The following NALCN variants were observed in gnomAD, a reference collection of about 807,000 sequenced individuals.
NALCN encodes sodium leak channel NALCN.
A neutral mutation model predicts 225.3 loss-of-function variants in NALCN; 111 were observed. The observed-to-expected ratio is 0.49, with a 90% confidence interval of 0.42 to 0.58. The LOEUF is 0.58. NALCN is among the 20% of genes least tolerant of loss of function. NALCN has a pLI of 0.00. For synonymous variants in NALCN, 764 were observed against 769.0 expected (o/e 0.99, Z 0.11); for missense variants, 1,378 against 2,202.4 (o/e 0.63, Z 7.49).
intron 2 of NALCN, among the ~76,000 whole-genome samples, chr13:101,397,866 CT>C (rs2047361410): frequency 6.6e-6 from 1 of 152,040 alleles, no homozygotes; most frequent in Non-Finnish European, 1.5e-5. Context: ...GGAAATAAGC[CT>C]TTCAGAGGAG....
At chr13:101,181,257 C>A (rs1203223617) in intron 14 of NALCN, 1 of 518,806 alleles carries the variant, frequency 1.9e-6, no homozygotes, top group Admixed American at 1.9e-5. Context: ...GGCTTCCAGG[C>A]AGAGGGTTTG....
chr13:101,401,950 G>T (rs991957740), intron 1 of NALCN, among the ~76,000 whole-genome samples: 3 of 152,162 alleles, frequency 2.0e-5, no homozygotes, highest in Non-Finnish European at 4.4e-5. Flanking sequence ...ATTTGAGGTG[G>T]TTGATTGTAA....
At chr13:101,282,280 T>TA (rs911171599) in intron 10 of NALCN, among the ~76,000 whole-genome samples, 1 of 151,468 alleles carries the variant, frequency 6.6e-6, no homozygotes, top group African/African-American at 2.4e-5. Context: ...GATGAATGGA[T>TA]AAAAAAAATG....
At chr13:101,294,903 T>C (rs897618329) in intron 7 of NALCN, among the ~76,000 whole-genome samples, 41 of 152,118 alleles carry the variant, frequency 2.7e-4, no homozygotes, top group Non-Finnish European at 2.9e-4. Context: ...CAGTAACAGT[T>C]GCAGCAAAAG....
chr13:101,245,919 G>A (rs145133075), intron 11 of NALCN, among the ~76,000 whole-genome samples: 2,026 of 152,132 alleles, frequency 0.013, 32 homozygotes, highest in African/African-American at 0.038. Flanking sequence ...CTCTGATTGC[G>A]GGCAACCACT....
chr13:101,139,359 G>T, intron 17 of NALCN, among the ~76,000 whole-genome samples: 1 of 152,128 alleles, frequency 6.6e-6, no homozygotes, highest in African/African-American at 2.4e-5. Flanking sequence ...CCCTGAACTT[G>T]CAGTCTTCAG....
chr13:101,057,140 C>T (rs1336431100), intron 43 of NALCN: 1 of 152,124 alleles, frequency 6.6e-6, no homozygotes. Flanking sequence ...GAAGTTGGGG[C>T]ACAGTTAAAG....
intron 12 of NALCN, among the ~76,000 whole-genome samples, chr13:101,229,959 A>C (rs914165217): frequency 6.6e-6 from 1 of 152,174 alleles, no homozygotes; most frequent in African/African-American, 2.4e-5. Flanking sequence ...TTGAGTGCTG[A>C]TATGAGGCCA....
intron 7 of NALCN, among the ~76,000 whole-genome samples, chr13:101,296,940 T>C (rs528873241): frequency 2.0e-5 from 3 of 152,370 alleles, no homozygotes; most frequent in African/African-American, 7.2e-5. Flanking sequence ...TGAAACTTTC[T>C]ACACACTGCC....
In NALCN at chr13:101,089,877, A is replaced by G. The variant is rs750999085; in HGVS notation, c.3359T>C (p.Val1120Ala). 4.5e-5 allele frequency: 72 copies of G among 1,613,904 alleles called. 1 individual carries two copies. The highest frequency in any genetic ancestry group is 1.0e-4 in the Admixed American group (6 of 59,990). Reference protein sequence around the residue: ...EVLSLKGWVEVRDVIIHRVGP... With the variant: ...EVLSLKGWVEARDVIIHRVGP... The stretch of plus-strand genomic sequence containing the variant: ...CACACGATGAATAATAACATCTCTC[A>G]CTTCCACCCAGCCTTTCAAGGAGAG... The change falls in exon 29 of 44, where the codon GTG (valine) becomes GCG (alanine). Residue 1120 changes from valine (V) to alanine (A), a missense_variant. By Grantham distance (64) the Val-to-Ala change is moderately conservative. This residue lies in a region of NALCN where 292 missense variants were observed against 409.5 expected (regional missense o/e 0.71). Transcript: ENST00000251127. This position sits in a 1 kb window ranked among gnomAD's most constrained non-coding sequence, Gnocchi z 4.7.
At chr13:101,393,108 T>C (rs369468689) in intron 3 of NALCN, among the ~76,000 whole-genome samples, 12 of 152,178 alleles carry the variant, frequency 7.9e-5, no homozygotes, top group Admixed American at 5.2e-4. Flanking sequence ...GGAAAAACAA[T>C]TGCAACTTAT....
chr13:101,305,340 C>T (rs950054220), intron 7 of NALCN, among the ~76,000 whole-genome samples: 3 of 152,158 alleles, frequency 2.0e-5, no homozygotes, highest in African/African-American at 4.8e-5. Flanking sequence ...AGTTGTGTTT[C>T]GTAATTCTCT....
intron 3 of NALCN, among the ~76,000 whole-genome samples, chr13:101,389,072 G>T (rs765985755): frequency 3.3e-5 from 5 of 152,186 alleles, no homozygotes; most frequent in Non-Finnish European, 7.3e-5. Flanking sequence ...TCCTGAGACA[G>T]GTTCCAGTTT....
At chr13:101,327,943 G>A (rs528000) in intron 7 of NALCN, among the ~76,000 whole-genome samples, 62,758 of 151,944 alleles carry the variant, frequency 0.41, 13,315 homozygotes, top group Non-Finnish European at 0.47. Context: ...GTTTCTGTTG[G>A]AACTACTGAA....
chr13:101,375,608 G>T (rs367692692), intron 6 of NALCN, among the ~76,000 whole-genome samples: 4 of 152,108 alleles, frequency 2.6e-5, no homozygotes, highest in African/African-American at 9.7e-5. Context: ...GAAGATGAAT[G>T]GCTGCTTGTA....
intron 11 of NALCN, among the ~76,000 whole-genome samples, chr13:101,252,285 T>C (rs2042084501): frequency 6.6e-6 from 1 of 152,186 alleles, no homozygotes; most frequent in South Asian, 2.1e-4. Flanking sequence ...TCTCTGACTT[T>C]ATAATTGAAA....
At chr13:101,057,818 G>T (rs2031446717) in intron 43 of NALCN, 121 bp downstream of exon 43, 2 of 800,664 alleles carry the variant, frequency 2.5e-6, no homozygotes, top group Non-Finnish European at 4.4e-6. Flanking sequence ...TCATTATGTT[G>T]CTGTCTGTAA....
rs1035182612 is a variant in NALCN, at chr13:101,161,738, G to C, written c.1839+14562C>G. On this transcript the variant is annotated intron_variant, in intron 15 of 43. Transcript: ENST00000251127. ...AATATAAAAATTAGCCAGGAGTGGT[G>C]GCGCACGCCTGTAATCCCAGCTACT... 2.6e-4 allele frequency among the ~76,000 whole-genome samples: 39 copies of C among 152,176 alleles called. 1 individual carries two copies. Among genetic ancestry groups the C allele is most frequent in the Non-Finnish European group, 5.9e-5 (4 of 68,020 alleles).
chr13:101,405,788 C>T (rs945468587), intron 1 of NALCN, among the ~76,000 whole-genome samples: 22 of 152,130 alleles, frequency 1.4e-4, no homozygotes, highest in Admixed American at 5.2e-4. Flanking sequence ...ATGTTATCTC[C>T]TACTCAGAAT....
Sources: allele counts gnomAD v4.1 joint callset (sites outside exome capture counted in the v4.1 genomes callset), GRCh38; gene constraint gnomAD v4.1.1; regional missense constraint gnomAD v4.1.1; non-coding constraint Gnocchi (gnomAD v3.1); transcripts MANE v1.5; gene names NCBI Gene and HGNC (gene_info 2026-07-23, HGNC 2026-07-21).